MDGA2: variants seen among roughly 807,000 people sequenced by gnomAD.
MDGA2 encodes the protein MAM domain containing glycosylphosphatidylinositol anchor 2, also known as MAM domain-containing glycosylphosphatidylinositol anchor protein 2.
Under a neutral mutation model 117.8 loss-of-function variants are expected in MDGA2, and 40 were observed. That is an observed-to-expected ratio of 0.34 (90% CI 0.26 to 0.44). The LOEUF (loss-of-function observed/expected upper bound fraction) is 0.44. Ranked by LOEUF, MDGA2 falls within the 20% of genes least tolerant of loss-of-function variation. The pLI, the probability that MDGA2 is intolerant of heterozygous loss-of-function variation, is 1.00. For synonymous variants in MDGA2, 452 were observed against 439.0 expected, an observed-to-expected ratio of 1.03 and a Z score of -0.37; for missense variants, 1,123 against 1,250.6, an observed-to-expected ratio of 0.90 and a Z score of 1.54.
intron 1 of MDGA2, among the ~76,000 whole-genome samples, chr14:47,466,407 T>C (rs1415885849): frequency 1.3e-5 from 2 of 152,234 alleles, no homozygotes; most frequent in East Asian, 3.9e-4. Flanking sequence ...TTTGGGTCTA[T>C]GTGAAAACCG....
chr14:46,849,017 A>T (rs1369972858), intron 15 of MDGA2, among the ~76,000 whole-genome samples: 1 of 152,034 alleles, frequency 6.6e-6, no homozygotes, highest in African/African-American at 2.4e-5. Flanking sequence ...AATTATTGAT[A>T]CTACATTTTG....
rs1020214438 is a variant in MDGA2 at position 47,243,548 on chromosome 14, A to C, written c.421-25353T>G. On this transcript the variant is annotated intron_variant, in intron 2 of 16. Coordinates refer to ENST00000399232, the MANE Select transcript of MDGA2 (RefSeq NM_001113498.3). ...CAGCTTCACTCCTGAGCCCAGCGAG[A>C]CCACGAGCCCACCAGGAGGAACGAG... is the stretch of plus-strand genomic sequence containing the variant. 1.2e-4 allele frequency among the ~76,000 whole-genome samples: 18 copies of C among 151,412 alleles called. 1 individual carries two copies. Among genetic ancestry groups the C allele is most frequent in the Admixed American group, 5.3e-4 (8 of 15,180 alleles).
chr14:47,010,568 C>T (rs1887864444), intron 8 of MDGA2, among the ~76,000 whole-genome samples: 1 of 151,734 alleles, frequency 6.6e-6, no homozygotes, highest in South Asian at 2.1e-4. Flanking sequence ...GTTTTGTCTC[C>T]TACCCCACTT....
intron 9 of MDGA2, among the ~76,000 whole-genome samples, chr14:46,927,790 A>C (rs1303459908): frequency 1.3e-5 from 2 of 152,186 alleles, no homozygotes; most frequent in Non-Finnish European, 2.9e-5. Context: ...TTATTTTTAA[A>C]TTGCAATATA....
chr14:46,910,077 T>C (rs932865953), intron 10 of MDGA2, among the ~76,000 whole-genome samples: 6 of 152,186 alleles, frequency 3.9e-5, no homozygotes, highest in Non-Finnish European at 8.8e-5. Context: ...AATTTCATTT[T>C]TAATATAAAT....
At chr14:47,352,650 A>G (rs148039637) in intron 1 of MDGA2, among the ~76,000 whole-genome samples, 1 of 152,326 alleles carries the variant, frequency 6.6e-6, no homozygotes, top group East Asian at 1.9e-4. Context: ...ATATTTGCAA[A>G]AGGTTTTTGT....
chr14:46,964,918 A>ATTTTTTTT (rs1566549134), intron 8 of MDGA2, among the ~76,000 whole-genome samples: 51 of 95,356 alleles, frequency 5.3e-4, no homozygotes, highest in South Asian at 9.3e-4. Flanking sequence ...ATATATATTT[A>ATTTTTTTT]CTTTTTTTTT....
At chr14:47,386,103 G>C (rs972452969) in intron 1 of MDGA2, among the ~76,000 whole-genome samples, 9 of 152,050 alleles carry the variant, frequency 5.9e-5, no homozygotes, top group African/African-American at 1.9e-4. Context: ...CCAACATGGT[G>C]AAACACCGTC....
At chr14:47,563,441 T>C (rs1240075169) in intron 1 of MDGA2, among the ~76,000 whole-genome samples, 1 of 152,178 alleles carries the variant, frequency 6.6e-6, no homozygotes, top group African/African-American at 2.4e-5. Flanking sequence ...CATATATATT[T>C]AGGATGGTTA....
intron 1 of MDGA2, among the ~76,000 whole-genome samples, chr14:47,387,608 T>C (rs1411398236): frequency 1.3e-5 from 2 of 152,198 alleles, no homozygotes; most frequent in Admixed American, 6.5e-5. Context: ...TGCTGCTTAG[T>C]AAATCAACCA....
intron 8 of MDGA2, chr14:46,960,394 T>C (rs1428104289): frequency 1.3e-5 from 2 of 152,116 alleles, no homozygotes; most frequent in African/African-American, 4.8e-5. Context: ...ATCATATCTT[T>C]AGTGAACTTT....
intron 1 of MDGA2, among the ~76,000 whole-genome samples, chr14:47,333,664 C>G (rs1250317400): frequency 6.6e-6 from 1 of 151,618 alleles, no homozygotes; most frequent in Non-Finnish European, 1.5e-5. Flanking sequence ...ACAAATAAGT[C>G]TTTCTCCTTT....
At chr14:46,960,863 TTA>T (rs1016481459) in intron 8 of MDGA2, among the ~76,000 whole-genome samples, 11 of 144,014 alleles carry the variant, frequency 7.6e-5, no homozygotes, top group African/African-American at 2.9e-4. Flanking sequence ...TTTTAATATT[TTA>T]TATATACACA....
chr14:46,979,941 G>T (rs1024260997), intron 8 of MDGA2, among the ~76,000 whole-genome samples: 4 of 152,180 alleles, frequency 2.6e-5, no homozygotes, highest in African/African-American at 9.6e-5. Flanking sequence ...TCTATTGGAA[G>T]AAGATGCCAT....
rs142557423 is a variant in MDGA2, at chr14:47,220,069, T to C, written c.421-1874A>G. 3.3e-3 allele frequency among the ~76,000 whole-genome samples: 497 copies of C among 152,112 alleles called. 7 individuals are homozygous for C. Among genetic ancestry groups the C allele is most frequent in the African/African-American group, 0.011 (460 of 41,506 alleles). On this transcript the variant is annotated intron_variant, in intron 2 of 16. Coordinates refer to ENST00000399232, the MANE Select transcript of MDGA2 (RefSeq NM_001113498.3). ...ACATAGGAAATAGAAAAGTAGAAAA[T>C]AGAAGTAGAAAGAAATGCAAATAAT...
At chr14:47,463,172 CAAA>C (rs1188839588) in intron 1 of MDGA2, among the ~76,000 whole-genome samples, 1 of 152,150 alleles carries the variant, frequency 6.6e-6, no homozygotes, top group Non-Finnish European at 1.5e-5. Context: ...TAGTTTTTAG[CAAA>C]TTTATATCTC....
At chr14:47,453,767 C>G (rs1893288515) in intron 1 of MDGA2, among the ~76,000 whole-genome samples, 1 of 152,058 alleles carries the variant, frequency 6.6e-6, no homozygotes, top group Non-Finnish European at 1.5e-5. Flanking sequence ...CTTTGTTAAG[C>G]TCTGAATAAT....
intron 1 of MDGA2, among the ~76,000 whole-genome samples, chr14:47,653,246 G>A (rs1594964682): frequency 1.3e-5 from 2 of 152,112 alleles, no homozygotes; most frequent in East Asian, 3.9e-4. Context: ...ATTTTTCCAG[G>A]AGAATAGATT....
At chr14:47,077,632 G>A (rs922575900) in intron 6 of MDGA2, among the ~76,000 whole-genome samples, 2 of 151,312 alleles carry the variant, frequency 1.3e-5, no homozygotes, top group African/African-American at 4.9e-5. Flanking sequence ...TGTTAACACA[G>A]TGCATCTGCA....
Sources: gnomAD v4.1 joint callset for allele counts (sites outside exome capture counted in the v4.1 genomes callset) on GRCh38, gnomAD v4.1.1 for gene constraint, MANE v1.5 for transcripts, NCBI Gene and HGNC (gene_info 2026-07-23, HGNC 2026-07-21) for gene names.